Variants in DMD observed in about 807,000 individuals in gnomAD.
The protein encoded by DMD is dystrophin.
Under a neutral mutation model 330.1 loss-of-function variants are expected in DMD, and 63 were observed. That is an observed-to-expected ratio of 0.19 (90% CI 0.16 to 0.24). The LOEUF (loss-of-function observed/expected upper bound fraction) is 0.24, where lower values mean the gene tolerates loss of function less well. DMD is among the 10% of genes least tolerant of loss of function. DMD has a pLI of 1.00. For missense variants in DMD, 3,344 were observed against 2,684.1 expected (o/e 1.25, Z -5.43); for synonymous variants, 1,223 against 959.8 (o/e 1.27, Z -5.07).
rs761259271 is a variant in DMD at position 31,678,613 on chromosome X, G to A, written c.7872+762C>T. Among the ~76,000 whole-genome samples the A allele has an allele frequency of 3.6e-5, 4 of 111,677 alleles. No homozygotes were observed. The South Asian group carries it at 1.5e-3, about 42-fold the overall frequency. ...TTCAGAGGAAAGAGAAAGAAGAGAA[G>A]AATGAGCTGGGCTGGAGGTAAGAGA... On this transcript the variant is annotated intron_variant, in intron 53 of 78. Coordinates refer to ENST00000357033, the MANE Select transcript of DMD (RefSeq NM_004006.3).
intron 51 of DMD, among the ~76,000 whole-genome samples, chrX:31,767,930 T>A (rs1309999427): frequency 1.8e-5 from 2 of 112,112 alleles, no homozygotes; most frequent in African/African-American, 6.5e-5. Context: ...CCACTAAAAC[T>A]GCTCATTCAA....
intron 44 of DMD, among the ~76,000 whole-genome samples, chrX:32,158,202 G>C (rs1246830680): frequency 9.0e-6 from 1 of 110,612 alleles, no homozygotes; most frequent in East Asian, 2.9e-4. Context: ...CAAGTGATGA[G>C]AATGGAATAG....
intron 4 of DMD, among the ~76,000 whole-genome samples, chrX:32,841,804 G>T (rs2080183235): frequency 9.0e-6 from 1 of 111,457 alleles, no homozygotes. Context: ...TTCTTCAACA[G>T]GTCATAAAAA....
intron 34 of DMD, among the ~76,000 whole-genome samples, chrX:32,377,954 T>C (rs745961134): frequency 2.7e-5 from 3 of 110,981 alleles, no homozygotes; most frequent in South Asian, 3.7e-4. Context: ...AATGGCCCTT[T>C]AGCACTAAAT....
chrX:33,073,407 G>A (rs1040254760), intron 1 of DMD, among the ~76,000 whole-genome samples: 1 of 111,986 alleles, frequency 8.9e-6, no homozygotes, highest in Admixed American at 9.5e-5. Context: ...TTGTATGTAA[G>A]GAGAATGAGT....
intron 44 of DMD, among the ~76,000 whole-genome samples, chrX:32,182,228 C>T (rs1285755834): frequency 8.9e-6 from 1 of 112,106 alleles, no homozygotes; most frequent in African/African-American, 3.2e-5. Context: ...ACATATTTCA[C>T]ATAATTTCTA....
intron 60 of DMD, among the ~76,000 whole-genome samples, chrX:31,351,876 T>C (rs1479086185): frequency 2.7e-5 from 3 of 109,244 alleles, no homozygotes; most frequent in Non-Finnish European, 5.7e-5. Context: ...AACTCTGCAA[T>C]AGGAGTTAAT....
At chrX:32,936,891 T>G (rs1191661963) in intron 2 of DMD, among the ~76,000 whole-genome samples, 1 of 111,786 alleles carries the variant, frequency 8.9e-6, no homozygotes, top group Non-Finnish European at 1.9e-5. Context: ...CTCCTACACA[T>G]TATCAAAAAA....
chrX:31,913,944 A>G (rs1364624159), intron 47 of DMD, among the ~76,000 whole-genome samples: 1 of 111,642 alleles, frequency 9.0e-6, no homozygotes, highest in African/African-American at 3.3e-5. Flanking sequence ...CATTGCCTCC[A>G]CTTCTGGACT....
chrX:31,710,214 A>C (rs2084528269), intron 52 of DMD, among the ~76,000 whole-genome samples: 1 of 111,781 alleles, frequency 8.9e-6, no homozygotes, highest in Admixed American at 9.5e-5. Context: ...AACAGGTAGC[A>C]ATGTCATTAA....
chrX:31,740,770 T>C (rs1194622023), intron 51 of DMD, among the ~76,000 whole-genome samples: 1 of 111,815 alleles, frequency 8.9e-6, no homozygotes, highest in African/African-American at 3.2e-5. Flanking sequence ...TTGCTGAAGG[T>C]CGGGATGGCT....
chrX:31,472,079 T>A (rs1445215342), intron 59 of DMD, among the ~76,000 whole-genome samples: 1 of 112,555 alleles, frequency 8.9e-6, no homozygotes, highest in Non-Finnish European at 1.9e-5. Context: ...ATAGCATTTT[T>A]ACAACAACAA....
At chrX:31,252,968 C>A (rs778996984) in intron 63 of DMD, among the ~76,000 whole-genome samples, 3 of 107,056 alleles carry the variant, frequency 2.8e-5, no homozygotes, top group African/African-American at 6.9e-5. Flanking sequence ...TCCAGCCTGG[C>A]GACAGAGTGA....
At chrX:31,998,061 A>AT (rs1219147645) in intron 44 of DMD, among the ~76,000 whole-genome samples, 2 of 111,581 alleles carry the variant, frequency 1.8e-5, no homozygotes, top group Admixed American at 9.5e-5. Context: ...AGAGGGTAAG[A>AT]TTAAACCCAG....
At chrX:33,063,767 G>GA (rs1396173872) in intron 1 of DMD, among the ~76,000 whole-genome samples, 1 of 110,089 alleles carries the variant, frequency 9.1e-6, no homozygotes, top group Admixed American at 9.8e-5. Flanking sequence ...CAGACCAACT[G>GA]AATCACTATC....
intron 45 of DMD, among the ~76,000 whole-genome samples, chrX:31,942,567 C>T (rs1020418484): frequency 9.0e-6 from 1 of 111,535 alleles, no homozygotes; most frequent in African/African-American, 3.3e-5. Flanking sequence ...GATGTCCTTC[C>T]ATACATCTTC....
intron 47 of DMD, among the ~76,000 whole-genome samples, chrX:31,896,677 C>T (rs7889438): frequency 0.12 from 13,611 of 110,927 alleles, 686 homozygotes; most frequent in Admixed American, 0.23. Context: ...GTATAGAAAA[C>T]CATTTCATTC....
chrX:32,798,693 G>A (rs1482248574), intron 7 of DMD, among the ~76,000 whole-genome samples: 1 of 111,480 alleles, frequency 9.0e-6, no homozygotes, highest in Non-Finnish European at 1.9e-5. Context: ...TTACAGTAAG[G>A]ATTTCTAGTT....
intron 52 of DMD, among the ~76,000 whole-genome samples, chrX:31,716,119 T>C (rs1365734292): frequency 8.9e-6 from 1 of 112,535 alleles, no homozygotes; most frequent in Non-Finnish European, 1.9e-5. Flanking sequence ...CACAACAACG[T>C]TGAAATTCCT....
Sources: allele counts gnomAD v4.1 joint callset (sites outside exome capture counted in the v4.1 genomes callset), GRCh38; gene constraint gnomAD v4.1.1; transcripts MANE v1.5; gene names NCBI Gene and HGNC (gene_info 2026-07-23, HGNC 2026-07-21).